Variants in RSAD2 observed in about 807,000 individuals in gnomAD.
The protein encoded by RSAD2 is radical S-adenosyl methionine domain containing 2.
RSAD2 carries 38 observed loss-of-function variants against 37.7 expected under a neutral mutation model. That is an observed-to-expected ratio of 1.01 (90% CI 0.78 to 1.32). The LOEUF (loss-of-function observed/expected upper bound fraction) is 1.32. Among genes scored for constraint, RSAD2 ranks in the 40% most tolerant of loss-of-function variants. The pLI, the probability that RSAD2 is intolerant of heterozygous loss-of-function variation, is 0.00. For synonymous variants in RSAD2, 163 were observed against 157.4 expected (o/e 1.04, Z -0.27); for missense variants, 428 against 437.5 (o/e 0.98, Z 0.19).
At chr2:6,887,675 CA>C (rs1663550101) in intron 3 of RSAD2, among the ~76,000 whole-genome samples, 1 of 152,350 alleles carries the variant, frequency 6.6e-6, no homozygotes, top group Non-Finnish European at 1.5e-5. Context: ...GCCAACTCCA[CA>C]TATGCAGCTC....
chr2:6,886,960 C>T lies in RSAD2; in HGVS notation c.534C>T (p.Ile178=), dbSNP rs1211368876. Residue 178 remains isoleucine, a synonymous_variant, in exon 3 of 6, where the codon ATC becomes ATT. Coordinates refer to ENST00000382040, the MANE Select transcript of RSAD2 (RefSeq NM_080657.5). ...NYGEYLDILA[I]SCDSFDEEVN... The stretch of plus-strand genomic sequence containing the variant: ...GTGAGTATTTGGACATTCTCGCTAT[C>T]TCCTGTGACAGCTTTGACGAGGAAG... 1 of 1,614,110 alleles carries T rather than the reference C, an allele frequency of 6.2e-7. No individual in the cohort carries two copies.
chr2:6,886,490 G>A (rs1241272028), intron 2 of RSAD2, among the ~76,000 whole-genome samples: 7 of 152,138 alleles, frequency 4.6e-5, no homozygotes, highest in African/African-American at 9.7e-5. Context: ...CAGAAGAAGC[G>A]GATGAACTTA....
intron 3 of RSAD2, among the ~76,000 whole-genome samples, chr2:6,887,631 G>A (rs1317216380): frequency 6.6e-6 from 1 of 152,188 alleles, no homozygotes; most frequent in African/African-American, 2.4e-5. Context: ...CCAGATTCAT[G>A]CTTTAGGGCT....
At chr2:6,879,777 G>A (rs1157869861) in intron 1 of RSAD2, among the ~76,000 whole-genome samples, 1 of 151,948 alleles carries the variant, frequency 6.6e-6, no homozygotes, top group Non-Finnish European at 1.5e-5. Context: ...GAAAGTAATA[G>A]AGGCTTAAGA....
intron 3 of RSAD2, among the ~76,000 whole-genome samples, chr2:6,888,020 T>C (rs1239156976): frequency 2.6e-5 from 4 of 152,200 alleles, no homozygotes; most frequent in Admixed American, 2.6e-4. Flanking sequence ...GAAGGCTTCA[T>C]ATAGGAGGAA....
intron 2 of RSAD2, 148 bp from the exon 3 acceptor site, chr2:6,886,787 A>G (rs1663530573): frequency 1.7e-6 from 1 of 599,056 alleles, no homozygotes; most frequent in Admixed American, 3.0e-5. Flanking sequence ...GAAGAAAGTA[A>G]AATTCATATC....
chr2:6,877,833 G>GA lies in RSAD2; in HGVS notation c.35dup (p.Leu13AlafsTer46). ...TGCTTACACCTGCTGCTTTTGCTGG[G>GA]AAGCTCTTGAGTGTGTTCAGGCAAC... is the stretch of plus-strand genomic sequence containing the variant. On this transcript the variant is annotated frameshift_variant, in exon 1 of 6. Coordinates refer to ENST00000382040, the MANE Select transcript of RSAD2 (RefSeq NM_080657.5). LOFTEE classifies it high-confidence loss of function. 6.2e-7 allele frequency: 1 copy of GA among 1,614,022 alleles called. No homozygotes were observed. The highest frequency in any genetic ancestry group is 8.5e-7 in the Non-Finnish European group (1 of 1,179,994).
At position 6,890,345 on chromosome 2, in the gene RSAD2, G is replaced by C. The variant is rs771669872; in HGVS notation, c.888+20G>C. 3.7e-6 allele frequency: 6 copies of C among 1,612,060 alleles called. No homozygotes were observed. The highest frequency in any genetic ancestry group is 4.2e-6 in the Non-Finnish European group (5 of 1,178,810). ...CAGAAGGTTGTATAAAGCAAAAGTT[G>C]TTTTCTTTGTCATCATACATTCAGA... is the stretch of plus-strand genomic sequence containing the variant. On this transcript the variant is annotated intron_variant, in intron 4 of 5. Transcript: ENST00000382040.
chr2:6,887,287 A>T, intron 3 of RSAD2, 123 bp downstream of exon 3: 1 of 670,270 alleles, frequency 1.5e-6, no homozygotes, highest in Non-Finnish European at 2.6e-6. Flanking sequence ...CCAGTCCAGA[A>T]GTCAGGTCCT....
At chr2:6,878,925 G>C (rs1435919564) in intron 1 of RSAD2, 3 of 952,874 alleles carry the variant, frequency 3.1e-6, no homozygotes, top group Non-Finnish European at 4.4e-6. Flanking sequence ...CACATATTCT[G>C]GATGTGCACC....
chr2:6,894,882 G>A (rs1239611224), intron 5 of RSAD2, among the ~76,000 whole-genome samples: 1 of 152,232 alleles, frequency 6.6e-6, no homozygotes, highest in East Asian at 1.9e-4. Flanking sequence ...AGGTAGAGAG[G>A]AAAATTCAAA....
At chr2:6,883,133 G>T (rs978884697) in intron 1 of RSAD2, among the ~76,000 whole-genome samples, 2 of 152,074 alleles carry the variant, frequency 1.3e-5, no homozygotes, top group African/African-American at 4.8e-5. Context: ...TGTACCCTTT[G>T]GTGTCTGAGC....
chr2:6,889,391 TAAAG>T (rs1663586950), intron 3 of RSAD2, among the ~76,000 whole-genome samples: 2 of 152,070 alleles, frequency 1.3e-5, no homozygotes, highest in South Asian at 4.2e-4. Flanking sequence ...AGAGGAAAAA[TAAAG>T]AGTGAGCAAA....
chr2:6,890,907 C>T (rs1296901770), intron 4 of RSAD2, among the ~76,000 whole-genome samples: 1 of 151,654 alleles, frequency 6.6e-6, no homozygotes, highest in Non-Finnish European at 1.5e-5. Context: ...TAACTAGAAG[C>T]CGGGTATCTA....
At chr2:6,891,709 A>G (rs980847586) in intron 4 of RSAD2, among the ~76,000 whole-genome samples, 86 of 152,132 alleles carry the variant, frequency 5.7e-4, no homozygotes, top group African/African-American at 2.1e-3. Flanking sequence ...GGAGCTTGCA[A>G]TGAGCGGAGA....
rs1211328735 is a variant in RSAD2 at position 6,890,300 on chromosome 2, G to C, written c.863G>C (p.Cys288Ser). 5.0e-6 allele frequency: 8 copies of C among 1,614,038 alleles called. No homozygotes were observed. The highest frequency in any genetic ancestry group is 1.6e-4 in the Middle Eastern group (1 of 6,084). The stretch of plus-strand genomic sequence containing the variant: ...TTGGAGCGCCACAAAGAAGTGTCCT[G>C]CTTGGTGCCTGAATCTAACCAGAAG... The part of the protein sequence containing the change: ...RFLERHKEVS[C>S]LVPESNQKMK... Residue 288 changes from cysteine to serine, a missense_variant, in exon 4 of 6, where the codon TGC (cysteine) becomes TCC (serine). Coordinates refer to ENST00000382040, the MANE Select transcript of RSAD2 (RefSeq NM_080657.5).
chr2:6,887,236 T>A, intron 3 of RSAD2, 72 bp downstream of exon 3: 1 of 1,154,088 alleles, frequency 8.7e-7, no homozygotes. Flanking sequence ...TCAATGAAAC[T>A]GAAAACAATA....
chr2:6,884,143 A>C (rs1395269807), intron 2 of RSAD2, among the ~76,000 whole-genome samples: 1 of 152,344 alleles, frequency 6.6e-6, no homozygotes, highest in African/African-American at 2.4e-5. Context: ...GTTACAGTAC[A>C]ATTCTCTGTT....
chr2:6,871,229 T>A (rs1663199311), intron 1 of RSAD2, among the ~76,000 whole-genome samples: 1 of 152,216 alleles, frequency 6.6e-6, no homozygotes, highest in Non-Finnish European at 1.5e-5. Flanking sequence ...AGAAACAACA[T>A]TGAAACCATT....
Sources: gnomAD v4.1 joint callset for allele counts (sites outside exome capture counted in the v4.1 genomes callset) on GRCh38, gnomAD v4.1.1 for gene constraint, MANE v1.5 for transcripts, NCBI Gene and HGNC (gene_info 2026-07-23, HGNC 2026-07-21) for gene names.